Variants in CORIN observed in about 807,000 individuals in gnomAD.
The protein encoded by CORIN is atrial natriuretic peptide-converting enzyme.
In CORIN, 117 loss-of-function variants were observed where a neutral mutation model predicts 125.3. The ratio of observed to expected loss-of-function variants is 0.93; its 90% CI spans 0.80 to 1.09. The LOEUF (loss-of-function observed/expected upper bound fraction) is 1.09. Ranked by LOEUF, CORIN falls within the 50% of genes least tolerant of loss-of-function variation. The pLI is 0.00. For synonymous variants in CORIN, 450 were observed against 466.4 expected, an observed-to-expected ratio of 0.96 and a Z score of 0.45; for missense variants, 1,253 against 1,306.7, an observed-to-expected ratio of 0.96 and a Z score of 0.63.
In CORIN at chr4:47,595,711, ATCCTTATAATTAGTT is replaced by A; in HGVS notation, c.3124_*9del. The A allele has an allele frequency of 6.3e-7, 1 of 1,586,536 alleles. No individual in the cohort carries two copies. Among genetic ancestry groups the A allele is most frequent in the East Asian group, 2.2e-5 (1 of 44,688 alleles). On this transcript the variant is annotated stop_lost and 3_prime_UTR_variant, in exon 22 of 22. Coordinates refer to ENST00000273857, the MANE Select transcript of CORIN (RefSeq NM_006587.4). ...GTGTAGCTGGCAAAAGTCTCTGATC[ATCCTTATAATTAGTT>A]TAGGAGAAAGGTCTGGATGTAAATC...
intron 5 of CORIN, among the ~76,000 whole-genome samples, chr4:47,720,254 A>G (rs1727286326): frequency 6.6e-6 from 1 of 152,188 alleles, no homozygotes; most frequent in South Asian, 2.1e-4. Flanking sequence ...TGAACACTAC[A>G]TGTTTTCTTC....
At chr4:47,757,454 C>T (rs907834682) in intron 4 of CORIN, among the ~76,000 whole-genome samples, 28 of 151,866 alleles carry the variant, frequency 1.8e-4, no homozygotes, top group Admixed American at 6.6e-4. Flanking sequence ...ATTAGCCAGG[C>T]GCGGTGGTGG....
chr4:47,628,437 CGTGTGTGTGT>C (rs35452886), intron 16 of CORIN, among the ~76,000 whole-genome samples: 61 of 147,474 alleles, frequency 4.1e-4, no homozygotes, highest in African/African-American at 1.5e-3. Flanking sequence ...CACATAGTTA[CGTGTGTGTGT>C]GTGTGTGTGT....
intron 12 of CORIN, among the ~76,000 whole-genome samples, chr4:47,657,505 AG>A (rs1484493222): frequency 1.3e-5 from 2 of 148,904 alleles, no homozygotes; most frequent in African/African-American, 5.0e-5. Flanking sequence ...ACTGCACTCC[AG>A]CCTGGGCGAC....
intron 13 of CORIN, among the ~76,000 whole-genome samples, chr4:47,646,847 A>G (rs1723510331): frequency 6.6e-6 from 1 of 152,250 alleles, no homozygotes; most frequent in Admixed American, 6.5e-5. Flanking sequence ...AACCTACTAC[A>G]AATAAGTCGA....
intron 5 of CORIN, among the ~76,000 whole-genome samples, chr4:47,715,409 C>T (rs1191602109): frequency 6.6e-6 from 1 of 152,078 alleles, no homozygotes; most frequent in Admixed American, 6.6e-5. Context: ...AGTTTAAGAC[C>T]CACCCTGGGC....
intron 16 of CORIN, among the ~76,000 whole-genome samples, chr4:47,640,652 T>C (rs1463190600): frequency 6.6e-6 from 1 of 152,208 alleles, no homozygotes; most frequent in Non-Finnish European, 1.5e-5. Context: ...TGGATGTGTA[T>C]TTTAACACAA....
chr4:47,719,661 C>G (rs990630947), intron 5 of CORIN, among the ~76,000 whole-genome samples: 13 of 152,122 alleles, frequency 8.5e-5, no homozygotes, highest in African/African-American at 7.2e-5. Flanking sequence ...GTTTTTCAGT[C>G]TTCAGACTTT....
intron 5 of CORIN, among the ~76,000 whole-genome samples, chr4:47,725,160 T>C (rs1270222768): frequency 6.6e-6 from 1 of 152,170 alleles, no homozygotes; most frequent in Admixed American, 6.5e-5. Context: ...AGTTCATGGT[T>C]TGAAAGACTT....
intron 8 of CORIN, among the ~76,000 whole-genome samples, chr4:47,679,123 T>A (rs907011967): frequency 6.6e-6 from 1 of 152,232 alleles, no homozygotes; most frequent in Non-Finnish European, 1.5e-5. Context: ...AAAGTATAAT[T>A]AATTCAAACA....
At chr4:47,684,026 C>T (rs904805973) in intron 6 of CORIN, among the ~76,000 whole-genome samples, 188 bp from the exon 7 acceptor site, 2 of 152,186 alleles carry the variant, frequency 1.3e-5, no homozygotes, top group Admixed American at 6.5e-5. Context: ...TGAACAGTGG[C>T]TCCCAAGCCA....
At chr4:47,786,951 A>G in intron 2 of CORIN, 26 bp from the exon 3 acceptor site, 1 of 1,506,212 alleles carries the variant, frequency 6.6e-7, no homozygotes, top group East Asian at 2.3e-5. Context: ...AAACACAAAA[A>G]AAACCTATCT....
At chr4:47,738,751 G>C (rs1349219795) in intron 5 of CORIN, among the ~76,000 whole-genome samples, 6 of 152,088 alleles carry the variant, frequency 3.9e-5, no homozygotes, top group African/African-American at 1.4e-4. Context: ...GAATTTACTG[G>C]ACAGACTTTT....
chr4:47,598,432 A>G (rs1030265411), intron 21 of CORIN, among the ~76,000 whole-genome samples: 1 of 152,292 alleles, frequency 6.6e-6, no homozygotes, highest in South Asian at 2.1e-4. Flanking sequence ...TCCCACTACT[A>G]AAGAAGTCGG....
At chr4:47,625,261 G>C (rs1433073612) in intron 17 of CORIN, among the ~76,000 whole-genome samples, 7 of 152,042 alleles carry the variant, frequency 4.6e-5, no homozygotes, top group African/African-American at 1.7e-4. Context: ...TTAATAATTA[G>C]TTGTTATTTG....
intron 1 of CORIN, 25 bp from the exon 2 acceptor site, chr4:47,807,072 C>T (rs374601158): frequency 2.2e-5 from 35 of 1,593,808 alleles, no homozygotes; most frequent in Non-Finnish European, 2.7e-5. Context: ...GAAAATGCAA[C>T]ATGGTTTTAG....
At chr4:47,837,553 G>A in intron 1 of CORIN, 1 of 442,646 alleles carries the variant, frequency 2.3e-6, no homozygotes, top group East Asian at 4.8e-5. Context: ...GCGGAGGAGG[G>A]ACTCTGCAGG....
intron 20 of CORIN, among the ~76,000 whole-genome samples, chr4:47,602,641 CT>C (rs1721491411): frequency 2.0e-5 from 3 of 152,212 alleles, no homozygotes; most frequent in Admixed American, 2.0e-4. Flanking sequence ...AGGTCTCCTC[CT>C]GCCACAAGGA....
intron 10 of CORIN, among the ~76,000 whole-genome samples, chr4:47,674,110 G>T (rs1724896824): frequency 6.6e-6 from 1 of 152,188 alleles, no homozygotes; most frequent in Non-Finnish European, 1.5e-5. Context: ...ATGGAGCCAA[G>T]AAAATAATAC....
Sources: allele counts gnomAD v4.1 joint callset (sites outside exome capture counted in the v4.1 genomes callset), GRCh38; gene constraint gnomAD v4.1.1; transcripts MANE v1.5; gene names NCBI Gene and HGNC (gene_info 2026-07-23, HGNC 2026-07-21).